ULK4: variants seen among roughly 807,000 people sequenced by gnomAD.
The protein encoded by ULK4 is unc-51 like kinase 4.
A neutral mutation model predicts 160.6 loss-of-function variants in ULK4; 133 were observed. The ratio of observed to expected loss-of-function variants is 0.83; its 90% CI spans 0.72 to 0.96. ULK4 has a LOEUF of 0.96. Among genes scored for constraint, ULK4 ranks in the 40% least tolerant of loss-of-function variants. The pLI is 0.00. For missense variants in ULK4, 1,580 were observed against 1,499.5 expected (o/e 1.05, Z -0.89); for synonymous variants, 534 against 539.8 (o/e 0.99, Z 0.15).
At chr3:41,247,085 G>C in intron 36 of ULK4, 93 bp from the exon 37 acceptor site, 1 of 1,187,484 alleles carries the variant, frequency 8.4e-7, no homozygotes, top group Non-Finnish European at 1.2e-6. Flanking sequence ...TTGCACCCGA[G>C]TATCTGGTGG....
At chr3:41,365,424 C>G (rs1056242157) in intron 35 of ULK4, among the ~76,000 whole-genome samples, 1 of 152,112 alleles carries the variant, frequency 6.6e-6, no homozygotes, top group African/African-American at 2.4e-5. Context: ...TATTATGTAT[C>G]TGGAAAATAA....
intron 21 of ULK4, among the ~76,000 whole-genome samples, chr3:41,770,087 A>T (rs1171906156): frequency 6.6e-6 from 1 of 152,266 alleles, no homozygotes; most frequent in Non-Finnish European, 1.5e-5. Flanking sequence ...TTCAGAGAAC[A>T]CACATTTATT....
intron 32 of ULK4, among the ~76,000 whole-genome samples, chr3:41,527,061 T>G (rs1211251302): frequency 2.3e-4 from 35 of 152,200 alleles, no homozygotes; most frequent in Non-Finnish European, 1.5e-4. Flanking sequence ...ATACATTATC[T>G]CATTTAACTC....
At chr3:41,471,859 T>C (rs1173865660) in intron 32 of ULK4, among the ~76,000 whole-genome samples, 1 of 151,334 alleles carries the variant, frequency 6.6e-6, no homozygotes, top group Non-Finnish European at 1.5e-5. Flanking sequence ...AAAGCAGTTC[T>C]GAGAAAAAAG....
intron 35 of ULK4, among the ~76,000 whole-genome samples, chr3:41,343,763 G>T (rs948995016): frequency 1.3e-5 from 2 of 152,098 alleles, no homozygotes; most frequent in African/African-American, 2.4e-5. Context: ...GCTACAAAAA[G>T]AATAAAATAC....
At chr3:41,495,988 C>T (rs4973957) in intron 32 of ULK4, among the ~76,000 whole-genome samples, 62,433 of 151,740 alleles carry the variant, frequency 0.41, 13,026 homozygotes, top group African/African-American at 0.44. Flanking sequence ...ATAGATAATA[C>T]TTAATAAAAT....
chr3:41,336,549 A>C (rs1469666562), intron 35 of ULK4, among the ~76,000 whole-genome samples: 1 of 152,204 alleles, frequency 6.6e-6, no homozygotes, highest in African/African-American at 2.4e-5. Context: ...TAAGGCGAGA[A>C]CTTGCTGGTA....
intron 32 of ULK4, among the ~76,000 whole-genome samples, chr3:41,557,289 A>ACTTTTT (rs1553611330): frequency 6.6e-6 from 1 of 151,474 alleles, no homozygotes. Flanking sequence ...TGAAACTTGT[A>ACTTTTT]AATAGACCAG....
chr3:41,425,635 C>A (rs1320978598), intron 34 of ULK4, among the ~76,000 whole-genome samples: 3 of 152,152 alleles, frequency 2.0e-5, no homozygotes, highest in South Asian at 2.1e-4. Flanking sequence ...ACATAATTCC[C>A]AAAGAAATGA....
chr3:41,607,650 GAT>G (rs2032442988), intron 31 of ULK4, among the ~76,000 whole-genome samples: 1 of 152,132 alleles, frequency 6.6e-6, no homozygotes, highest in African/African-American at 2.4e-5. Flanking sequence ...GTATGACAAA[GAT>G]ATCCTGTTCA....
intron 31 of ULK4, among the ~76,000 whole-genome samples, chr3:41,568,787 A>C (rs1399897022): frequency 6.6e-6 from 1 of 152,160 alleles, no homozygotes; most frequent in Non-Finnish European, 1.5e-5. Flanking sequence ...TCTCTACTTC[A>C]ACTCCACAAA....
At chr3:41,786,381 A>C (rs2039997652) in intron 21 of ULK4, among the ~76,000 whole-genome samples, 1 of 152,062 alleles carries the variant, frequency 6.6e-6, no homozygotes, top group Non-Finnish European at 1.5e-5. Flanking sequence ...ACGGGGGATC[A>C]CCTGAATCCA....
In ULK4 at chr3:41,431,547, C is replaced by CTTTTTTT. The variant is rs1553664758; in HGVS notation, c.3492+23943_3492+23949dup. Among the ~76,000 whole-genome samples, 33 of 95,864 alleles carry CTTTTTTT rather than the reference C, an allele frequency of 3.4e-4. 2 individuals carry two copies. Among genetic ancestry groups the CTTTTTTT allele is most frequent in the African/African-American group, 1.2e-3 (28 of 23,686 alleles). The allele number at this position is 95,864 out of a possible 152,430, so 62.9% of individuals were successfully genotyped here. On this transcript the variant is annotated intron_variant, in intron 34 of 36. Transcript: ENST00000301831. ...CCTGTGAGGTGTTGTAATTCCCTCC[C>CTTTTTTT]TTTTTTTTTTTTTTTGATGTGGAAA...
chr3:41,407,405 AAAC>A (rs2082316334), intron 34 of ULK4, among the ~76,000 whole-genome samples: 2 of 152,288 alleles, frequency 1.3e-5, no homozygotes, highest in Admixed American at 6.5e-5. Flanking sequence ...ATAGTACAAA[AAAC>A]AACAACAATA....
chr3:41,684,134 G>A (rs187772771), intron 27 of ULK4, among the ~76,000 whole-genome samples: 36 of 152,276 alleles, frequency 2.4e-4, no homozygotes, highest in Non-Finnish European at 4.0e-4. Flanking sequence ...AATGCAGCTT[G>A]GCCCCCACAG....
chr3:41,365,477 T>C (rs895085268), intron 35 of ULK4, among the ~76,000 whole-genome samples: 2 of 152,194 alleles, frequency 1.3e-5, no homozygotes, highest in East Asian at 3.8e-4. Context: ...TAATATAACA[T>C]AGGAATAAAA....
chr3:41,509,699 C>T (rs1416979134), intron 32 of ULK4, among the ~76,000 whole-genome samples: 1 of 152,140 alleles, frequency 6.6e-6, no homozygotes, highest in East Asian at 1.9e-4. Flanking sequence ...TAATTTTCAG[C>T]CAAGAATTTT....
chr3:41,850,702 A>G (rs2042189748), intron 17 of ULK4, among the ~76,000 whole-genome samples: 1 of 151,998 alleles, frequency 6.6e-6, no homozygotes, highest in East Asian at 1.9e-4. Flanking sequence ...TAGATTCTGG[A>G]TATTAGTCCT....
chr3:41,796,770 G>T (rs1559558863), intron 20 of ULK4, among the ~76,000 whole-genome samples: 1 of 152,100 alleles, frequency 6.6e-6, no homozygotes, highest in East Asian at 1.9e-4. Context: ...AAGCAACAAT[G>T]ACACCACCCA....
Sources: gnomAD v4.1 joint callset for allele counts (sites outside exome capture counted in the v4.1 genomes callset) on GRCh38, gnomAD v4.1.1 for gene constraint, MANE v1.5 for transcripts, NCBI Gene and HGNC (gene_info 2026-07-23, HGNC 2026-07-21) for gene names.